The following USP49 variants were observed in gnomAD, a reference collection of about 807,000 sequenced individuals.
The protein encoded by USP49 is ubiquitin specific peptidase 49, also known as ubiquitin carboxyl-terminal hydrolase 49.
Under a neutral mutation model 58.6 loss-of-function variants are expected in USP49, and 24 were observed. The ratio of observed to expected loss-of-function variants is 0.41; its 90% CI spans 0.30 to 0.58. The LOEUF is 0.58. Among genes scored for constraint, USP49 ranks in the 20% least tolerant of loss-of-function variants. The pLI, the probability that USP49 is intolerant of heterozygous loss-of-function variation, is 0.30. For synonymous variants in USP49, 408 were observed against 365.1 expected (o/e 1.12, Z -1.34); for missense variants, 703 against 866.1 (o/e 0.81, Z 2.36).
intron 3 of USP49, among the ~76,000 whole-genome samples, chr6:41,866,427 A>G (rs1017976549): frequency 1.3e-5 from 2 of 152,178 alleles, no homozygotes; most frequent in African/African-American, 4.8e-5. Context: ...TTGTTTTTAT[A>G]GAACAGGGCT....
chr6:41,832,991 G>GT (rs1169160322), intron 3 of USP49: 3 of 151,162 alleles, frequency 2.0e-5, no homozygotes, highest in Non-Finnish European at 2.9e-5. Context: ...TATTGACACA[G>GT]TATTTCTTTT....
chr6:41,823,051 G>A (rs1424480506), intron 3 of USP49, among the ~76,000 whole-genome samples: 1 of 152,244 alleles, frequency 6.6e-6, no homozygotes, highest in Non-Finnish European at 1.5e-5. Flanking sequence ...ACTAAAAAAG[G>A]GGCAGGGCTA....
chr6:41,818,677 C>T (rs1341086823), intron 3 of USP49, among the ~76,000 whole-genome samples: 1 of 152,180 alleles, frequency 6.6e-6, no homozygotes, highest in Non-Finnish European at 1.5e-5. Context: ...CCTTGGTCAG[C>T]TAACCCAACT....
chr6:41,834,475 C>T (rs1773690909), intron 3 of USP49, among the ~76,000 whole-genome samples: 1 of 151,918 alleles, frequency 6.6e-6, no homozygotes, highest in Admixed American at 6.6e-5. Flanking sequence ...GATCTGTGTC[C>T]CCACCAAATC....
chr6:41,891,696 G>A (rs1454700045), intron 2 of USP49, 98 bp downstream of exon 2: 2 of 152,206 alleles, frequency 1.3e-5, no homozygotes, highest in Non-Finnish European at 2.9e-5. Flanking sequence ...AGACTCTCCT[G>A]ATAGAGAAAT....
chr6:41,847,416 G>A (rs1773942329), intron 3 of USP49, among the ~76,000 whole-genome samples: 1 of 152,098 alleles, frequency 6.6e-6, no homozygotes, highest in Admixed American at 6.6e-5. Context: ...GGTTTAATCA[G>A]GCAAAAGAAA....
intron 3 of USP49, among the ~76,000 whole-genome samples, chr6:41,836,108 A>G (rs1455703290): frequency 6.6e-6 from 1 of 152,116 alleles, no homozygotes; most frequent in Non-Finnish European, 1.5e-5. Flanking sequence ...CAAATTGAGT[A>G]AGAAAACAGT....
intron 2 of USP49, among the ~76,000 whole-genome samples, chr6:41,888,306 C>T (rs1373108051): frequency 6.6e-6 from 1 of 152,000 alleles, no homozygotes; most frequent in African/African-American, 2.4e-5. Context: ...CCACCTGCCT[C>T]GGCCTCCCAA....
intron 3 of USP49, among the ~76,000 whole-genome samples, chr6:41,842,473 G>A (rs531581368): frequency 1.6e-4 from 25 of 152,248 alleles, no homozygotes; most frequent in African/African-American, 6.0e-4. Flanking sequence ...ATTTCACGTG[G>A]AATGGATTTC....
chr6:41,799,447 T>A (rs1429475617), intron 6 of USP49, among the ~76,000 whole-genome samples: 1 of 152,190 alleles, frequency 6.6e-6, no homozygotes, highest in Non-Finnish European at 1.5e-5. Context: ...ACTCTAAACC[T>A]AGAGATCCCT....
chr6:41,881,610 G>C (rs1774610349), intron 2 of USP49, among the ~76,000 whole-genome samples: 2 of 152,024 alleles, frequency 1.3e-5, no homozygotes, highest in Non-Finnish European at 2.9e-5. Flanking sequence ...GCGTGGCTTT[G>C]TTTGAAAAAC....
chr6:41,879,202 C>T (rs1774559735), intron 2 of USP49, among the ~76,000 whole-genome samples: 1 of 152,162 alleles, frequency 6.6e-6, no homozygotes, highest in Non-Finnish European at 1.5e-5. Context: ...TGAGACCAGC[C>T]TGGCTAACAT....
intron 3 of USP49, among the ~76,000 whole-genome samples, chr6:41,852,610 T>C (rs955212146): frequency 3.9e-5 from 6 of 152,226 alleles, no homozygotes; most frequent in Admixed American, 3.9e-4. Context: ...TCCATGTTCC[T>C]GGATTGGAAG....
chr6:41,890,008 C>A (rs918587858), intron 2 of USP49, among the ~76,000 whole-genome samples: 1 of 152,216 alleles, frequency 6.6e-6, no homozygotes, highest in East Asian at 1.9e-4. Flanking sequence ...GAAGTTCTCT[C>A]ATAGGGCTGT....
At chr6:41,799,006 C>A in intron 6 of USP49, 77 bp from the exon 7 acceptor site, 1 of 1,503,122 alleles carries the variant, frequency 6.7e-7, no homozygotes. Flanking sequence ...ATTAATAAAA[C>A]AGGAAACTGA....
intron 2 of USP49, among the ~76,000 whole-genome samples, chr6:41,884,922 T>C (rs1774682501): frequency 6.6e-6 from 1 of 152,188 alleles, no homozygotes; most frequent in African/African-American, 2.4e-5. Context: ...GTTCTTTAAA[T>C]GACAAAGTTA....
In USP49 at chr6:41,798,809, G is replaced by A. The variant is rs1581987801; in HGVS notation, c.1791C>T (p.Ala597=). The change falls in exon 7 of 8, where the codon GCC becomes GCT. Residue 597 remains alanine, a synonymous_variant. Transcript: ENST00000682992. The stretch of plus-strand genomic sequence containing the variant: ...GCATGACCACTGCGGAGAGATCATA[G>A]GCAAAGGTCTCTTTGTCAAGAGAGG... ...MLSSLDKETF[A]YDLSAVVMHH... 1.2e-6 allele frequency: 2 copies of A among 1,613,990 alleles called. No homozygotes were observed. The highest frequency in any genetic ancestry group is 2.2e-5 in the East Asian group (1 of 44,870).
At chr6:41,867,757 A>C (rs1561922893) in intron 3 of USP49, among the ~76,000 whole-genome samples, 2 of 152,204 alleles carry the variant, frequency 1.3e-5, no homozygotes, top group Middle Eastern at 3.4e-3. Context: ...ATCTCAAAAA[A>C]CAAACAAACA....
chr6:41,823,787 C>T (rs889601479), intron 3 of USP49, among the ~76,000 whole-genome samples: 7 of 152,076 alleles, frequency 4.6e-5, no homozygotes, highest in African/African-American at 1.7e-4. Context: ...GGTAATCTCT[C>T]TCAATATCCA....
Sources: gnomAD v4.1 joint callset for allele counts (sites outside exome capture counted in the v4.1 genomes callset) on GRCh38, gnomAD v4.1.1 for gene constraint, MANE v1.5 for transcripts, NCBI Gene and HGNC (gene_info 2026-07-23, HGNC 2026-07-21) for gene names.